Variants in SCML4 observed in about 807,000 individuals in gnomAD.
SCML4 encodes sex comb on midleg-like protein 4.
SCML4 carries 34 observed loss-of-function variants against 41.1 expected under a neutral mutation model. The observed-to-expected ratio is 0.83, with a 90% confidence interval of 0.63 to 1.10. SCML4 has a LOEUF of 1.10. Among genes scored for constraint, SCML4 ranks in the 50% least tolerant of loss-of-function variants. The probability of loss-of-function intolerance (pLI) is 0.00; values close to 1 mark genes in which losing one functional copy is unlikely to be tolerated. For synonymous variants in SCML4, 214 were observed against 220.9 expected (o/e 0.97, Z 0.28); for missense variants, 522 against 534.1 (o/e 0.98, Z 0.22).
At chr6:107,816,195 T>C (rs545768017) in intron 1 of SCML4, among the ~76,000 whole-genome samples, 7 of 152,374 alleles carry the variant, frequency 4.6e-5, no homozygotes, top group Admixed American at 6.5e-5. Flanking sequence ...TAGCCCCTCC[T>C]GTATTGACTT....
chr6:107,747,570 G>A (rs1462041105), intron 3 of SCML4, among the ~76,000 whole-genome samples: 1 of 149,890 alleles, frequency 6.7e-6, no homozygotes, highest in Non-Finnish European at 1.5e-5. Flanking sequence ...TTTTTTACAG[G>A]AAAGTATCTA....
chr6:107,723,264 C>T (rs866541385), intron 5 of SCML4, among the ~76,000 whole-genome samples: 4 of 152,194 alleles, frequency 2.6e-5, no homozygotes, highest in South Asian at 2.1e-4. Flanking sequence ...TACTCTACCA[C>T]ACATTATAGT....
intron 1 of SCML4, among the ~76,000 whole-genome samples, chr6:107,788,689 G>A (rs970501479): frequency 6.5e-4 from 98 of 149,822 alleles, no homozygotes; most frequent in African/African-American, 2.2e-3. Context: ...GGGTTTTAGA[G>A]CTCTCTAGAA....
chr6:107,815,874 C>T (rs912359563), intron 1 of SCML4, among the ~76,000 whole-genome samples: 1 of 150,624 alleles, frequency 6.6e-6, no homozygotes, highest in African/African-American at 2.5e-5. Flanking sequence ...GGCCTAAAAG[C>T]TTACTGCTTT....
At chr6:107,788,884 G>T (rs1782108288) in intron 1 of SCML4, among the ~76,000 whole-genome samples, 1 of 152,210 alleles carries the variant, frequency 6.6e-6, no homozygotes, top group African/African-American at 2.4e-5. Flanking sequence ...GTGAAAGAGT[G>T]GGGGCTGGAG....
At chr6:107,779,166 G>C (rs1781287489) in intron 1 of SCML4, among the ~76,000 whole-genome samples, 1 of 146,942 alleles carries the variant, frequency 6.8e-6, no homozygotes, top group Non-Finnish European at 1.5e-5. Context: ...GGCAACAGAG[G>C]GAGACTCCAT....
At chr6:107,823,284 A>G (rs1562294476) in intron 1 of SCML4, among the ~76,000 whole-genome samples, 1 of 152,182 alleles carries the variant, frequency 6.6e-6, no homozygotes, top group African/African-American at 2.4e-5. Context: ...AGTGGAAAGA[A>G]CTTTGACTCA....
intron 1 of SCML4, among the ~76,000 whole-genome samples, chr6:107,787,763 C>A (rs905410733): frequency 2.0e-5 from 3 of 152,232 alleles, no homozygotes; most frequent in Non-Finnish European, 1.5e-5. Context: ...GGAATCCATT[C>A]ACCAGTCTTG....
upstream of SCML4, among the ~76,000 whole-genome samples, chr6:107,827,861 T>A (rs1364456435): frequency 6.6e-6 from 1 of 152,240 alleles, no homozygotes; most frequent in African/African-American, 2.4e-5. Context: ...TGTCAGCTGC[T>A]GGTAAAGACA....
At chr6:107,815,195 G>A (rs1051425885) in intron 1 of SCML4, among the ~76,000 whole-genome samples, 1 of 152,200 alleles carries the variant, frequency 6.6e-6, no homozygotes, top group Non-Finnish European at 1.5e-5. Context: ...AGCTTCTGCA[G>A]AGGGGCATTT....
chr6:107,772,388 T>C lies in SCML4; in HGVS notation c.-59-2A>G, dbSNP rs1194464444. The C allele has an allele frequency of 6.9e-7, 1 of 1,453,276 alleles. No individual in the cohort carries two copies. Among genetic ancestry groups the C allele is most frequent in the Admixed American group, 2.3e-5 (1 of 43,304 alleles). 90.0% of individuals were successfully genotyped at this position (1,453,276 alleles called of 1,614,324 possible). On this transcript the variant is annotated splice_acceptor_variant, in intron 1 of 7. Transcript: ENST00000369020. LOFTEE classifies it low-confidence loss of function (5UTR_SPLICE). ...AATCGCTCACAGGCAGAAGAGGTGC[T>C]AAGAATTAGTCCAGACACAAAGCAA...
intron 5 of SCML4, among the ~76,000 whole-genome samples, chr6:107,736,681 A>G (rs1174415738): frequency 1.3e-5 from 2 of 152,184 alleles, no homozygotes; most frequent in South Asian, 4.1e-4. Flanking sequence ...AAAGATAGAC[A>G]TTCTCCATAT....
upstream of SCML4, among the ~76,000 whole-genome samples, chr6:107,825,936 C>CAAAAAAAAAAAAA (rs71015515): frequency 3.2e-5 from 2 of 62,624 alleles, no homozygotes; most frequent in African/African-American, 7.6e-5. Flanking sequence ...GACTCCATCT[C>CAAAAAAAAAAAAA]AAAAAAAAAA....
intron 1 of SCML4, among the ~76,000 whole-genome samples, chr6:107,777,816 G>A (rs1159380098): frequency 1.3e-5 from 2 of 151,856 alleles, no homozygotes; most frequent in African/African-American, 4.8e-5. Flanking sequence ...GTGGCAGCTG[G>A]GCCACTGCTC....
chr6:107,745,085 G>A lies in SCML4; in HGVS notation c.546C>T (p.Ile182=), dbSNP rs753355646. The stretch of plus-strand genomic sequence containing the variant: ...TGGCGAGGAAGCGGAGGACATAGCC[G>A]ATGCTGTTCACCACAGGCAGGCTCC... ...HLRSLPVVNS[I]GYVLRFLAKL... Residue 182 remains isoleucine, a synonymous_variant, in exon 5 of 8, where the codon ATC becomes ATT. Coordinates refer to ENST00000369020, the MANE Select transcript of SCML4 (RefSeq NM_198081.5). The A allele has an allele frequency of 2.1e-5, 34 of 1,612,012 alleles. No homozygotes were observed. Among genetic ancestry groups the A allele is most frequent in the Admixed American group, 3.3e-5 (2 of 59,724 alleles).
intron 5 of SCML4, among the ~76,000 whole-genome samples, chr6:107,728,060 A>G (rs1420917221): frequency 4.6e-5 from 7 of 152,224 alleles, no homozygotes; most frequent in African/African-American, 1.4e-4. Flanking sequence ...TATTATAAAG[A>G]GCTTATATAT....
intron 6 of SCML4, among the ~76,000 whole-genome samples, chr6:107,711,437 T>C (rs985886152): frequency 2.6e-5 from 4 of 152,216 alleles, no homozygotes; most frequent in African/African-American, 4.8e-5. Context: ...AGTAACATGC[T>C]GTACAGGTTT....
intron 2 of SCML4, among the ~76,000 whole-genome samples, chr6:107,763,984 C>T (rs555563435): frequency 1.3e-5 from 2 of 152,366 alleles, no homozygotes; most frequent in Admixed American, 1.3e-4. Flanking sequence ...CTTGTGGACA[C>T]ATTTCTCCTT....
intron 2 of SCML4, among the ~76,000 whole-genome samples, chr6:107,751,458 G>A (rs1778615736): frequency 6.6e-6 from 1 of 152,176 alleles, no homozygotes; most frequent in South Asian, 2.1e-4. Flanking sequence ...TGAGACAGGA[G>A]AGGTAATAAA....
Sources: gnomAD v4.1 joint callset for allele counts (sites outside exome capture counted in the v4.1 genomes callset) on GRCh38, gnomAD v4.1.1 for gene constraint, MANE v1.5 for transcripts, NCBI Gene and HGNC (gene_info 2026-07-23, HGNC 2026-07-21) for gene names.